Variants in EYS observed in about 807,000 individuals in gnomAD.
EYS encodes the protein EGF-like photoreceptor maintenance factor, also known as protein eyes shut homolog.
Under a neutral mutation model 282.1 loss-of-function variants are expected in EYS, and 250 were observed. That is an observed-to-expected ratio of 0.89 (90% CI 0.80 to 0.98). EYS has a LOEUF of 0.98. Ranked by LOEUF, EYS falls within the 50% of genes least tolerant of loss-of-function variation. EYS has a pLI of 0.00. For synonymous variants in EYS, 1,355 were observed against 1,282.9 expected (o/e 1.06, Z -1.20); for missense variants, 4,016 against 3,709.0 (o/e 1.08, Z -2.15).
chr6:65,543,349 T>C (rs999041721), intron 2 of EYS, among the ~76,000 whole-genome samples: 2 of 149,480 alleles, frequency 1.3e-5, no homozygotes, highest in Non-Finnish European at 3.0e-5. Flanking sequence ...CCTACTTAAC[T>C]AATTATGTTT....
At chr6:65,166,847 G>A (rs949312245) in intron 12 of EYS, among the ~76,000 whole-genome samples, 4 of 150,952 alleles carry the variant, frequency 2.6e-5, no homozygotes, top group African/African-American at 9.7e-5. Context: ...ACAATAAAAA[G>A]GCAACTGTCT....
At chr6:65,353,251 C>T (rs1764354665) in intron 9 of EYS, among the ~76,000 whole-genome samples, 1 of 151,974 alleles carries the variant, frequency 6.6e-6, no homozygotes, top group African/African-American at 2.4e-5. Flanking sequence ...TATTATCTCT[C>T]TTGCACCAAG....
chr6:64,365,674 T>C (rs2150410878), intron 29 of EYS, among the ~76,000 whole-genome samples: 1 of 152,150 alleles, frequency 6.6e-6, no homozygotes, highest in African/African-American at 2.4e-5. Flanking sequence ...AGTATATAAC[T>C]TTTTGCATAC....
intron 12 of EYS, among the ~76,000 whole-genome samples, chr6:65,182,636 A>G (rs1562009245): frequency 6.6e-6 from 1 of 151,902 alleles, no homozygotes. Context: ...TCACAAATCT[A>G]TTAGTCTCAA....
intron 12 of EYS, among the ~76,000 whole-genome samples, chr6:65,074,594 A>C (rs534160262): frequency 6.6e-6 from 1 of 152,092 alleles, no homozygotes; most frequent in Non-Finnish European, 1.5e-5. Context: ...AGTGTATGAT[A>C]TTATTCCCTC....
intron 12 of EYS, among the ~76,000 whole-genome samples, chr6:65,200,362 G>C (rs961841191): frequency 2.0e-5 from 3 of 151,578 alleles, no homozygotes; most frequent in Admixed American, 2.0e-4. Context: ...ATTTAAGCCA[G>C]AGAATTAAGA....
intron 28 of EYS, among the ~76,000 whole-genome samples, chr6:64,424,593 C>G (rs1340907828): frequency 6.6e-6 from 1 of 152,216 alleles, no homozygotes; most frequent in African/African-American, 2.4e-5. Flanking sequence ...GTGGCTCACT[C>G]TAAGATTGCA....
At chr6:65,370,430 A>G (rs1268009580) in intron 8 of EYS, among the ~76,000 whole-genome samples, 1 of 151,036 alleles carries the variant, frequency 6.6e-6, no homozygotes, top group African/African-American at 2.4e-5. Context: ...TAATTAAAAA[A>G]AAAAAATAGA....
At chr6:63,961,936 T>C (rs1562118896) in intron 35 of EYS, among the ~76,000 whole-genome samples, 1 of 152,176 alleles carries the variant, frequency 6.6e-6, no homozygotes, top group Non-Finnish European at 1.5e-5. Flanking sequence ...ATGTAAGAAA[T>C]GTTAATTTGA....
intron 24 of EYS, among the ~76,000 whole-genome samples, 188 bp from the exon 25 acceptor site, chr6:64,593,497 T>C (rs1426155840): frequency 6.6e-6 from 1 of 152,158 alleles, no homozygotes; most frequent in Admixed American, 6.6e-5. Flanking sequence ...CTCAATCCTT[T>C]CAATTTGAGA....
chr6:65,654,876 GT>G (rs1767765518), intron 1 of EYS, among the ~76,000 whole-genome samples: 1 of 145,842 alleles, frequency 6.9e-6, no homozygotes, highest in East Asian at 2.1e-4. Flanking sequence ...ATGGTAATTT[GT>G]TTTTAAAAGA....
At chr6:64,960,444 T>C (rs1051823566) in intron 14 of EYS, among the ~76,000 whole-genome samples, 5 of 152,142 alleles carry the variant, frequency 3.3e-5, no homozygotes, top group African/African-American at 1.2e-4. Flanking sequence ...AGAACCTAGG[T>C]CACTGAATAC....
At chr6:63,753,566 A>T (rs1016910211) in intron 41 of EYS, among the ~76,000 whole-genome samples, 1 of 152,096 alleles carries the variant, frequency 6.6e-6, no homozygotes, top group African/African-American at 2.4e-5. Context: ...GGAACTTCCA[A>T]ACACTTATAT....
At chr6:65,061,518 C>A (rs779061369) in intron 12 of EYS, among the ~76,000 whole-genome samples, 3 of 151,832 alleles carry the variant, frequency 2.0e-5, no homozygotes, top group Non-Finnish European at 4.4e-5. Flanking sequence ...ACATTTGTGA[C>A]AACTGATGAA....
intron 26 of EYS, among the ~76,000 whole-genome samples, chr6:64,457,232 T>G (rs1034167157): frequency 6.6e-6 from 1 of 152,046 alleles, no homozygotes; most frequent in Non-Finnish European, 1.5e-5. Flanking sequence ...AAAATGATAC[T>G]TGATATGATT....
intron 18 of EYS, among the ~76,000 whole-genome samples, chr6:64,894,144 A>G (rs1767378297): frequency 6.6e-6 from 1 of 152,150 alleles, no homozygotes; most frequent in Admixed American, 6.6e-5. Context: ...TAAGTAATGT[A>G]TAGATGCTTA....
intron 1 of EYS, among the ~76,000 whole-genome samples, chr6:65,697,884 C>G (rs542673801): frequency 4.4e-4 from 67 of 152,226 alleles, no homozygotes; most frequent in African/African-American, 1.6e-3. Flanking sequence ...TTTTCAGAAC[C>G]TACAAATGAA....
At chr6:64,021,135 C>T (rs1769168457) in intron 33 of EYS, among the ~76,000 whole-genome samples, 1 of 150,364 alleles carries the variant, frequency 6.7e-6, no homozygotes, top group Non-Finnish European at 1.5e-5. Context: ...ACTAAAATTC[C>T]TTGCAGTGAT....
intron 19 of EYS, among the ~76,000 whole-genome samples, chr6:64,824,918 A>T (rs1467317132): frequency 6.6e-6 from 1 of 151,892 alleles, no homozygotes; most frequent in Non-Finnish European, 1.5e-5. Context: ...AGAGGATAAG[A>T]ATGGAATAAC....
Sources: allele counts gnomAD v4.1 joint callset (sites outside exome capture counted in the v4.1 genomes callset), GRCh38; gene constraint gnomAD v4.1.1; transcripts MANE v1.5; gene names NCBI Gene and HGNC (gene_info 2026-07-23, HGNC 2026-07-21).